The following MRPS6 variants were observed in gnomAD, a reference collection of about 807,000 sequenced individuals.
The protein encoded by MRPS6 is mitochondrial ribosomal protein S6, also known as small ribosomal subunit protein bS6m.
In MRPS6, 6 loss-of-function variants were observed where a neutral mutation model predicts 13.1. The observed-to-expected ratio is 0.46, with a 90% CI of 0.25 to 0.91. The LOEUF (loss-of-function observed/expected upper bound fraction) is 0.91. Ranked by LOEUF, MRPS6 falls within the 40% of genes least tolerant of loss-of-function variation. MRPS6 has a pLI of 0.18. For synonymous variants in MRPS6, 61 were observed against 56.5 expected (o/e 1.08, Z -0.36); for missense variants, 164 against 155.6 (o/e 1.05, Z -0.29).
At chr21:34,105,390 T>C in intron 1 of MRPS6, 8 of 999,520 alleles carry the variant, frequency 8.0e-6, no homozygotes, top group Non-Finnish European at 9.6e-6. Flanking sequence ...AACCAATTCT[T>C]TTTCTAATAA....
intron 1 of MRPS6, chr21:34,100,361 C>G: frequency 2.0e-6 from 2 of 1,000,224 alleles, no homozygotes; most frequent in South Asian, 9.4e-5. Flanking sequence ...ATATTCTGTT[C>G]TGCCACCCCC....
chr21:34,095,956 A>G, intron 1 of MRPS6: 1 of 1,614,136 alleles, frequency 6.2e-7, no homozygotes, highest in South Asian at 1.1e-5. Context: ...ATGCTGCGGA[A>G]TCCAACAGAT....
chr21:34,074,539 T>C (rs1187123161), intron 1 of MRPS6, among the ~76,000 whole-genome samples: 1 of 152,174 alleles, frequency 6.6e-6, no homozygotes, highest in Non-Finnish European at 1.5e-5. Context: ...GGTGACGGCG[T>C]GGCCAAGGAC....
At chr21:34,083,190 G>C (rs1016801626) in intron 1 of MRPS6, among the ~76,000 whole-genome samples, 2 of 152,188 alleles carry the variant, frequency 1.3e-5, no homozygotes, top group Non-Finnish European at 2.9e-5. Context: ...GGTTGCTGTG[G>C]ATATAATCCA....
chr21:34,141,913 G>A (rs1165426058), intron 2 of MRPS6, among the ~76,000 whole-genome samples: 1 of 152,188 alleles, frequency 6.6e-6, no homozygotes, highest in Non-Finnish European at 1.5e-5. Flanking sequence ...TTGTAGACCA[G>A]TCCCATGCCT....
intron 1 of MRPS6, among the ~76,000 whole-genome samples, chr21:34,112,123 A>G (rs1979724034): frequency 1.3e-5 from 2 of 152,108 alleles, no homozygotes; most frequent in Admixed American, 6.5e-5. Flanking sequence ...GATCTTTTAA[A>G]TTTTATGACT....
At chr21:34,130,500 T>C (rs1980465543) in intron 2 of MRPS6, among the ~76,000 whole-genome samples, 1 of 152,114 alleles carries the variant, frequency 6.6e-6, no homozygotes, top group Non-Finnish European at 1.5e-5. Context: ...TTTGGTGGCA[T>C]TGTTTTCCAG....
At chr21:34,102,169 G>A (rs1272506960) in intron 1 of MRPS6, 3 of 999,994 alleles carry the variant, frequency 3.0e-6, no homozygotes, top group Non-Finnish European at 2.4e-6. Flanking sequence ...GAATACTTTA[G>A]CTGTTCAGCT....
intron 1 of MRPS6, among the ~76,000 whole-genome samples, chr21:34,088,054 A>T (rs1978486960): frequency 6.6e-6 from 1 of 152,240 alleles, no homozygotes; most frequent in Non-Finnish European, 1.5e-5. Flanking sequence ...ATACCCCGGA[A>T]CAACAGGCAA....
chr21:34,114,500 C>G (rs900328118), intron 1 of MRPS6, among the ~76,000 whole-genome samples: 6 of 151,132 alleles, frequency 4.0e-5, no homozygotes, highest in African/African-American at 1.5e-4. Context: ...TTAAAAAAAT[C>G]TTAGTGTCCA....
Position 34,074,673 on chromosome 21 carries a change from G to GT in MRPS6, c.45+937dup, listed in dbSNP as rs201796395. Among the ~76,000 whole-genome samples, 1,036 of 151,704 alleles carry GT rather than the reference G, an allele frequency of 6.8e-3. 12 individuals carry two copies. Among genetic ancestry groups the GT allele is most frequent in the Middle Eastern group, 0.027 (8 of 292 alleles). The stretch of plus-strand genomic sequence containing the variant: ...ATTCGGTAACGTAGTTTGGTGTTAT[G>GT]TTTTTTTTTCTCCACCAGGTGTAAT... On this transcript the variant is annotated intron_variant, in intron 1 of 2. Coordinates refer to ENST00000399312, the MANE Select transcript of MRPS6 (RefSeq NM_032476.4).
chr21:34,101,071 C>T, intron 1 of MRPS6: 1 of 1,000,046 alleles, frequency 1.0e-6, no homozygotes. Flanking sequence ...TATACAAGAC[C>T]TTTCCTGTTA....
chr21:34,085,816 G>A (rs1010055732), intron 1 of MRPS6, among the ~76,000 whole-genome samples: 2 of 151,990 alleles, frequency 1.3e-5, no homozygotes, highest in Non-Finnish European at 2.9e-5. Context: ...GTTAGCTAGG[G>A]TGGTCTTGAT....
At chr21:34,078,770 A>G (rs1731903958) in intron 1 of MRPS6, among the ~76,000 whole-genome samples, 1 of 152,236 alleles carries the variant, frequency 6.6e-6, no homozygotes, top group Non-Finnish European at 1.5e-5. Context: ...AGGGTAGAGA[A>G]CAAATGATAA....
chr21:34,130,791 C>A (rs1039593548), intron 2 of MRPS6, among the ~76,000 whole-genome samples: 1 of 152,208 alleles, frequency 6.6e-6, no homozygotes, highest in Non-Finnish European at 1.5e-5. Context: ...CTCCTCACTT[C>A]CACTTCTGCA....
At position 34,135,923 on chromosome 21, in the gene MRPS6, C is replaced by T. The variant is rs1602968308; in HGVS notation, c.186-6485C>T. Reference sequence around the variant, plus strand: ...TGAGGCAGGTACTTGGCATACTTCTCCTTCACTGCAATGGAATCCTGCAGG... The same window carrying T: ...TGAGGCAGGTACTTGGCATACTTCTTCTTCACTGCAATGGAATCCTGCAGG... On this transcript the variant is annotated intron_variant, in intron 2 of 2. Transcript: ENST00000399312. 11 of 459,800 alleles carry T rather than the reference C, an allele frequency of 2.4e-5. No individual in the cohort carries two copies. In the South Asian group the frequency reaches 2.8e-4, roughly 12 times the overall value. 28.5% of individuals were successfully genotyped at this position (459,800 alleles called of 1,614,324 possible). A position where few individuals can be genotyped will look rare whatever the true frequency, so the allele number is the denominator to read the frequency against.
intron 1 of MRPS6, among the ~76,000 whole-genome samples, chr21:34,116,654 G>T (rs148723552): frequency 3.9e-5 from 6 of 152,094 alleles, no homozygotes; most frequent in African/African-American, 1.4e-4. Context: ...GGTATGCAGT[G>T]TAAGAGCAGC....
rs1569423854 is a variant in MRPS6 at position 34,125,454 on chromosome 21, C to T, written c.159C>T (p.Ala53=). The change falls in exon 2 of 3, where the codon GCC becomes GCT. Residue 53 remains alanine (A), a synonymous_variant. Transcript: ENST00000399312. The part of the protein sequence containing the change: ...GERALPYRIS[A]HSQQHNRGGY... ...GAGCGCTTCCTTATAGGATCTCTGC[C>T]CACAGTCAGCAGCACAACAGAGGCG... The T allele has an allele frequency of 1.9e-6, 3 of 1,614,012 alleles. No homozygotes were observed. Among genetic ancestry groups the T allele is most frequent in the South Asian group, 2.2e-5 (2 of 91,086 alleles).
intron 1 of MRPS6, among the ~76,000 whole-genome samples, chr21:34,112,337 A>G (rs746871302): frequency 4.6e-5 from 7 of 152,296 alleles, no homozygotes; most frequent in Middle Eastern, 3.4e-3. Flanking sequence ...CTCCTATATA[A>G]TTACACTTGC....
Sources: allele counts gnomAD v4.1 joint callset (sites outside exome capture counted in the v4.1 genomes callset), GRCh38; gene constraint gnomAD v4.1.1; transcripts MANE v1.5; gene names NCBI Gene and HGNC (gene_info 2026-07-23, HGNC 2026-07-21).